Variants in SCLT1 observed in about 807,000 individuals in gnomAD.
The protein encoded by SCLT1 is sodium channel and clathrin linker 1.
A neutral mutation model predicts 112.8 loss-of-function variants in SCLT1; 78 were observed. The observed-to-expected ratio is 0.69, with a 90% confidence interval of 0.58 to 0.83. The LOEUF (loss-of-function observed/expected upper bound fraction) is 0.83, where lower values mean the gene tolerates loss of function less well. SCLT1 is among the 40% of genes least tolerant of loss of function. The pLI, the probability that SCLT1 is intolerant of heterozygous loss-of-function variation, is 0.00. For synonymous variants in SCLT1, 257 were observed against 254.7 expected (o/e 1.01, Z -0.09); for missense variants, 747 against 770.4 (o/e 0.97, Z 0.36).
chr4:128,951,176 T>C (rs899688421), intron 14 of SCLT1, among the ~76,000 whole-genome samples: 19 of 152,116 alleles, frequency 1.2e-4, no homozygotes, highest in African/African-American at 4.3e-4. Flanking sequence ...TTGTTAATAA[T>C]AGAAAACAAT....
intron 5 of SCLT1, among the ~76,000 whole-genome samples, chr4:129,020,938 C>T (rs980570764): frequency 1.3e-5 from 2 of 152,062 alleles, no homozygotes; most frequent in Admixed American, 1.3e-4. Flanking sequence ...AAATAATAAG[C>T]AAGAAGATAA....
At chr4:128,927,402 G>A (rs945783543) in intron 18 of SCLT1, among the ~76,000 whole-genome samples, 22 of 151,744 alleles carry the variant, frequency 1.4e-4, no homozygotes, top group Admixed American at 3.3e-4. Flanking sequence ...TAATGAAACC[G>A]TGTCTCTACA....
intron 9 of SCLT1, among the ~76,000 whole-genome samples, chr4:128,978,200 G>T (rs908005899): frequency 1.3e-5 from 2 of 152,052 alleles, no homozygotes; most frequent in Admixed American, 1.3e-4. Context: ...GGAGTTTACT[G>T]TCAAAAAATA....
At chr4:129,029,434 A>C (rs1746480030) in intron 5 of SCLT1, among the ~76,000 whole-genome samples, 1 of 151,744 alleles carries the variant, frequency 6.6e-6, no homozygotes, top group Non-Finnish European at 1.5e-5. Flanking sequence ...AGGACAAAAA[A>C]CCAAACACCG....
intron 9 of SCLT1, among the ~76,000 whole-genome samples, chr4:128,986,230 T>C (rs1742080871): frequency 6.6e-6 from 1 of 152,050 alleles, no homozygotes; most frequent in African/African-American, 2.4e-5. Flanking sequence ...CCTGTCACAG[T>C]GGAACACAAC....
intron 1 of SCLT1, among the ~76,000 whole-genome samples, chr4:129,092,732 T>C (rs1752959017): frequency 6.6e-6 from 1 of 152,216 alleles, no homozygotes; most frequent in African/African-American, 2.4e-5. Flanking sequence ...AACATCTTTT[T>C]AATAAATGGC....
intron 6 of SCLT1, among the ~76,000 whole-genome samples, chr4:129,003,283 G>A (rs62318666): frequency 0.26 from 39,349 of 151,754 alleles, 6,279 homozygotes; most frequent in Non-Finnish European, 0.35. Context: ...AGGGCCTGTT[G>A]TGGGGTTGAG....
At chr4:129,032,540 G>T (rs1746818636) in intron 5 of SCLT1, among the ~76,000 whole-genome samples, 1 of 152,056 alleles carries the variant, frequency 6.6e-6, no homozygotes. Flanking sequence ...ACTATCATCA[G>T]AGTGAACAGG....
chr4:128,955,025 G>A (rs551003650), intron 13 of SCLT1, among the ~76,000 whole-genome samples: 24 of 152,122 alleles, frequency 1.6e-4, no homozygotes, highest in Non-Finnish European at 3.2e-4. Context: ...TAGTAATCCT[G>A]GCAAAGTCAG....
intron 18 of SCLT1, among the ~76,000 whole-genome samples, chr4:128,898,237 A>G (rs1034595572): frequency 2.0e-5 from 3 of 152,200 alleles, no homozygotes; most frequent in African/African-American, 7.2e-5. Flanking sequence ...TCAGCACCAC[A>G]CTGCACTTAT....
intron 2 of SCLT1, among the ~76,000 whole-genome samples, chr4:129,057,148 T>A (rs193247649): frequency 6.6e-6 from 1 of 152,218 alleles, no homozygotes; most frequent in Non-Finnish European, 1.5e-5. Context: ...TACTGACTTG[T>A]GTATGTTGAA....
At chr4:129,013,575 T>A (rs1744730594) in intron 5 of SCLT1, among the ~76,000 whole-genome samples, 1 of 152,112 alleles carries the variant, frequency 6.6e-6, no homozygotes, top group Non-Finnish European at 1.5e-5. Context: ...TGAAGTTTGG[T>A]TTGGCTGGAT....
chr4:128,987,193 C>CT (rs555383983), intron 9 of SCLT1, among the ~76,000 whole-genome samples: 2 of 152,136 alleles, frequency 1.3e-5, no homozygotes, highest in Non-Finnish European at 2.9e-5. Context: ...CACTCAATCT[C>CT]TTTTGGATTC....
chr4:128,998,968 T>C (rs1032469208), intron 7 of SCLT1, among the ~76,000 whole-genome samples: 2 of 151,890 alleles, frequency 1.3e-5, no homozygotes, highest in South Asian at 4.1e-4. Context: ...AATTCCTCCA[T>C]AGTGCTCAAT....
At chr4:129,031,731 T>G (rs1410567058) in intron 5 of SCLT1, among the ~76,000 whole-genome samples, 1 of 151,852 alleles carries the variant, frequency 6.6e-6, no homozygotes, top group Non-Finnish European at 1.5e-5. Context: ...GAGAATAAAA[T>G]ACGTAGGAAT....
intron 20 of SCLT1, among the ~76,000 whole-genome samples, chr4:128,887,826 T>C (rs1284751950): frequency 6.6e-6 from 1 of 152,234 alleles, no homozygotes; most frequent in Non-Finnish European, 1.5e-5. Flanking sequence ...CATATGAAAA[T>C]ATGCATTAAG....
intron 3 of SCLT1, among the ~76,000 whole-genome samples, chr4:128,877,976 A>G (rs1159151700): frequency 2.0e-5 from 3 of 152,174 alleles, no homozygotes; most frequent in Non-Finnish European, 4.4e-5. Context: ...ATATGTAATC[A>G]AAGAAAACAA....
intron 1 of SCLT1, among the ~76,000 whole-genome samples, chr4:129,090,782 C>T (rs1388568788): frequency 1.3e-5 from 2 of 152,132 alleles, no homozygotes; most frequent in African/African-American, 4.8e-5. Context: ...TGATCTTTCC[C>T]AGACAAAGGT....
chr4:128,887,971 T>C (rs1023797598), intron 20 of SCLT1, among the ~76,000 whole-genome samples: 3 of 152,320 alleles, frequency 2.0e-5, no homozygotes, highest in African/African-American at 7.2e-5. Flanking sequence ...TGCCTGGTTT[T>C]AGATAGGACA....
Sources: allele counts gnomAD v4.1 joint callset (sites outside exome capture counted in the v4.1 genomes callset), GRCh38; gene constraint gnomAD v4.1.1; transcripts MANE v1.5; gene names NCBI Gene and HGNC (gene_info 2026-07-23, HGNC 2026-07-21).